Variants in TCF4 observed in about 807,000 individuals in gnomAD.
TCF4 encodes transcription factor 4, also known as SL3-3 enhancer factor 2.
A neutral mutation model predicts 82.1 loss-of-function variants in TCF4; 3 were observed. The ratio of observed to expected loss-of-function variants is 0.04; its 90% CI spans 0.02 to 0.09. The LOEUF is 0.09. Among genes scored for constraint, TCF4 ranks in the 10% least tolerant of loss-of-function variants. The pLI, the probability that TCF4 is intolerant of heterozygous loss-of-function variation, is 1.00. For missense variants in TCF4, 518 were observed against 852.7 expected, an observed-to-expected ratio of 0.61 and a Z score of 4.89; for synonymous variants, 276 against 309.6, an observed-to-expected ratio of 0.89 and a Z score of 1.14.
intron 5 of TCF4, chr18:55,422,496 TA>T (rs920012431): frequency 1.0e-5 from 10 of 967,250 alleles, no homozygotes; most frequent in African/African-American, 3.5e-5. Context: ...TTCCTATTAT[TA>T]AAAAAAAGAG....
intron 2 of TCF4, among the ~76,000 whole-genome samples, chr18:55,600,716 A>C (rs768672977): frequency 6.6e-6 from 1 of 152,216 alleles, no homozygotes; most frequent in Non-Finnish European, 1.5e-5. Flanking sequence ...CTTTGGGACC[A>C]TTGGAGTGCA....
At chr18:55,304,820 A>G (rs1313286118) in intron 8 of TCF4, among the ~76,000 whole-genome samples, 1 of 152,192 alleles carries the variant, frequency 6.6e-6, no homozygotes, top group Admixed American at 6.5e-5. Flanking sequence ...TGATTTAAGA[A>G]GAGAGCATTT....
intron 3 of TCF4, among the ~76,000 whole-genome samples, chr18:55,512,217 A>T (rs1237096711): frequency 6.6e-6 from 1 of 152,190 alleles, no homozygotes; most frequent in African/African-American, 2.4e-5. Context: ...GCAAATGCAG[A>T]CAAGTGTTTA....
chr18:55,287,074 C>G (rs1435128044), intron 8 of TCF4, among the ~76,000 whole-genome samples: 1 of 151,136 alleles, frequency 6.6e-6, no homozygotes, highest in Non-Finnish European at 1.5e-5. Flanking sequence ...TATTGGTAGT[C>G]TGAAAAAAAA....
chr18:55,445,479 T>C (rs977966704), intron 5 of TCF4, among the ~76,000 whole-genome samples: 3 of 152,118 alleles, frequency 2.0e-5, no homozygotes, highest in Non-Finnish European at 2.9e-5. Context: ...CAAGATAGCA[T>C]GTGCAGGCGA....
intron 6 of TCF4, chr18:55,401,998 G>GACAC: frequency 6.2e-6 from 6 of 973,948 alleles, no homozygotes; most frequent in Non-Finnish European, 7.3e-6. Context: ...TTACACCAGA[G>GACAC]ACACAGCACT....
intron 5 of TCF4, among the ~76,000 whole-genome samples, chr18:55,411,659 A>G (rs1200034544): frequency 6.6e-6 from 1 of 152,204 alleles, no homozygotes; most frequent in Admixed American, 6.5e-5. Flanking sequence ...TATCAGCAAG[A>G]CTTTTCCTAA....
At chr18:55,559,965 G>A (rs529492224) in intron 3 of TCF4, among the ~76,000 whole-genome samples, 1 of 152,252 alleles carries the variant, frequency 6.6e-6, no homozygotes, top group African/African-American at 2.4e-5. Context: ...AAACACAGCT[G>A]CTGGATCTAA....
At chr18:55,251,296 CTT>C (rs1208460087) in intron 15 of TCF4, among the ~76,000 whole-genome samples, 3 of 150,682 alleles carry the variant, frequency 2.0e-5, no homozygotes, top group Non-Finnish European at 4.4e-5. Flanking sequence ...AACATTCGCT[CTT>C]GTGTTATGAG....
Position 55,585,280 on chromosome 18 carries a change from T to C in TCF4, c.145A>G (p.Asn49Asp). The C allele has an allele frequency of 6.2e-7, 1 of 1,613,654 alleles. No homozygotes were observed. Among genetic ancestry groups the C allele is most frequent in the Non-Finnish European group, 8.5e-7 (1 of 1,179,602 alleles). Reference protein sequence around the residue: ...SLASGHFTGSNVEDRSSSGSW... With the variant: ...SLASGHFTGSDVEDRSSSGSW... ...AACACTAAGAAAAGAATTTACATAC[T>C]TGAGCCAGTAAAATGTCCACTTGCC... Residue 49 changes from asparagine (N) to aspartate (D), a missense_variant and splice_region_variant, in exon 3 of 20, where the codon AAT (asparagine) becomes GAT (aspartate). By Grantham distance (23) the Asn-to-Asp change is conservative. Around this residue, in one of 7 missense-constraint regions of TCF4, gnomAD observed 80 missense variants for 93.8 expected, o/e 0.85. Coordinates refer to ENST00000354452, the MANE Select transcript of TCF4 (RefSeq NM_001083962.2).
At chr18:55,382,339 A>T (rs1303850713) in intron 6 of TCF4, among the ~76,000 whole-genome samples, 2 of 152,136 alleles carry the variant, frequency 1.3e-5, no homozygotes, top group Non-Finnish European at 2.9e-5. Flanking sequence ...TTAAAAAAAA[A>T]AAAATCTTGC....
chr18:55,473,711 T>C (rs998835900), intron 3 of TCF4, among the ~76,000 whole-genome samples: 1 of 152,180 alleles, frequency 6.6e-6, no homozygotes, highest in East Asian at 1.9e-4. Context: ...ACTATATTAC[T>C]CTGCAAAACA....
At chr18:55,339,824 C>G (rs2079451428) in intron 8 of TCF4, among the ~76,000 whole-genome samples, 5 of 152,120 alleles carry the variant, frequency 3.3e-5, no homozygotes, top group Admixed American at 3.3e-4. Context: ...TCAACAGGGG[C>G]ACTGAGAAAA....
At chr18:55,428,212 C>G (rs2095061801) in intron 5 of TCF4, among the ~76,000 whole-genome samples, 1 of 152,200 alleles carries the variant, frequency 6.6e-6, no homozygotes, top group South Asian at 2.1e-4. Context: ...TCCCCTCCTT[C>G]TTAAAAAACT....
At chr18:55,463,975 T>TGTGC (rs1555671884) in intron 4 of TCF4, 101 bp downstream of exon 4, 1 of 233,084 alleles carries the variant, frequency 4.3e-6, no homozygotes, top group Non-Finnish European at 7.8e-6. Flanking sequence ...TGTGTGTGTG[T>TGTGC]GTGAGAGAGA....
chr18:55,237,589 C>T (rs1032887808), intron 15 of TCF4, among the ~76,000 whole-genome samples: 2 of 148,280 alleles, frequency 1.3e-5, no homozygotes, highest in African/African-American at 5.0e-5. Flanking sequence ...CCTGTTTCAG[C>T]CTCCCAAGTA....
At chr18:55,532,817 G>GC (rs1293230899) in intron 3 of TCF4, among the ~76,000 whole-genome samples, 1 of 152,072 alleles carries the variant, frequency 6.6e-6, no homozygotes, top group Non-Finnish European at 1.5e-5. Flanking sequence ...AGTAATAAGA[G>GC]CTCTGAATTC....
intron 6 of TCF4, among the ~76,000 whole-genome samples, chr18:55,355,899 T>A (rs1215780056): frequency 2.6e-5 from 4 of 152,130 alleles, no homozygotes; most frequent in Non-Finnish European, 5.9e-5. Flanking sequence ...AAGTCAGAAG[T>A]AGAAGTCAAA....
intron 4 of TCF4, among the ~76,000 whole-genome samples, chr18:55,462,079 T>C (rs2095877062): frequency 2.0e-5 from 3 of 152,140 alleles, no homozygotes; most frequent in African/African-American, 7.2e-5. Context: ...GGGCAAAATC[T>C]GCCCACACAA....
Sources: gnomAD v4.1 joint callset for allele counts (sites outside exome capture counted in the v4.1 genomes callset) on GRCh38, gnomAD v4.1.1 for gene constraint, gnomAD v4.1.1 regional missense constraint, MANE v1.5 for transcripts, NCBI Gene and HGNC (gene_info 2026-07-23, HGNC 2026-07-21) for gene names.